ADGRB1: variants seen among roughly 807,000 people sequenced by gnomAD.
The protein encoded by ADGRB1 is adhesion G protein-coupled receptor B1.
In ADGRB1, 36 loss-of-function variants were observed where a neutral mutation model predicts 175.7. That is an observed-to-expected ratio of 0.20 (90% CI 0.16 to 0.27). The LOEUF (loss-of-function observed/expected upper bound fraction) is 0.27. ADGRB1 is among the 10% of genes least tolerant of loss of function. ADGRB1 has a pLI of 1.00. For synonymous variants in ADGRB1, 1,054 were observed against 979.4 expected (o/e 1.08, Z -1.42); for missense variants, 1,731 against 2,255.3 (o/e 0.77, Z 4.71).
intron 23 of ADGRB1, among the ~76,000 whole-genome samples, chr8:142,524,537 G>T (rs1035891031): frequency 6.6e-6 from 1 of 152,182 alleles, no homozygotes; most frequent in African/African-American, 2.4e-5. Flanking sequence ...TGTGAGTCTC[G>T]GCTTGCCTGA....
intron 1 of ADGRB1, among the ~76,000 whole-genome samples, chr8:142,456,535 CACT>C (rs1839693851): frequency 6.6e-6 from 1 of 152,226 alleles, no homozygotes; most frequent in Non-Finnish European, 1.5e-5. Flanking sequence ...ACACACACAC[CACT>C]CACACCTGCA....
intron 8 of ADGRB1, 83 bp from the exon 9 acceptor site, chr8:142,479,610 G>T: frequency 6.5e-7 from 1 of 1,531,622 alleles, no homozygotes. Context: ...AATGATGCCT[G>T]CTCCAGGCGC....
chr8:142,462,616 C>A (rs1201846113), intron 1 of ADGRB1, among the ~76,000 whole-genome samples: 1 of 152,238 alleles, frequency 6.6e-6, no homozygotes, highest in South Asian at 2.1e-4. Flanking sequence ...CAGTGACCGA[C>A]CTTGTCTTGC....
At chr8:142,535,935 C>T (rs1380418528) in intron 25 of ADGRB1, among the ~76,000 whole-genome samples, 1 of 152,174 alleles carries the variant, frequency 6.6e-6, no homozygotes, top group Non-Finnish European at 1.5e-5. Flanking sequence ...AGGCCTGGCC[C>T]TGCCTCTGAC....
intron 13 of ADGRB1, among the ~76,000 whole-genome samples, 152 bp from the exon 14 acceptor site, chr8:142,488,212 G>T (rs1841788189): frequency 6.6e-6 from 1 of 152,188 alleles, no homozygotes; most frequent in Admixed American, 6.5e-5. Context: ...GGCTGGGGCA[G>T]ATGGCCCCCA....
In ADGRB1 at chr8:142,492,936, G is replaced by T. The variant is rs1250310608; in HGVS notation, c.2675+2121G>T. On this transcript the variant is annotated intron_variant, in intron 17 of 30. Transcript: ENST00000517894. The surrounding 1 kb of genome is among the most constrained non-coding windows in gnomAD (Gnocchi z 4.4). The stretch of plus-strand genomic sequence containing the variant: ...CCTCCATCCGGGCTGTTCGCCGGCC[G>T]CGGCAGCTCTCGGGGGGCTGCGCCC... Among the ~76,000 whole-genome samples the T allele has an allele frequency of 6.6e-6, 1 of 151,996 alleles. No individual in the cohort carries two copies. The highest frequency in any genetic ancestry group is 2.4e-5 in the African/African-American group (1 of 41,404).
intron 17 of ADGRB1, among the ~76,000 whole-genome samples, chr8:142,505,287 C>T (rs1436820717): frequency 4.6e-5 from 7 of 152,308 alleles, no homozygotes; most frequent in East Asian, 3.9e-4. Context: ...AGGCGCTTGC[C>T]GGGGGTGCAG....
At chr8:142,499,509 G>C (rs1251516258) in intron 17 of ADGRB1, among the ~76,000 whole-genome samples, 1 of 152,224 alleles carries the variant, frequency 6.6e-6, no homozygotes, top group Non-Finnish European at 1.5e-5. Context: ...CCTAGAGGAA[G>C]GGAGGGAGCA....
intron 26 of ADGRB1, 54 bp from the exon 27 acceptor site, chr8:142,539,320 A>T: frequency 6.5e-7 from 1 of 1,545,126 alleles, no homozygotes; most frequent in Admixed American, 2.0e-5. Flanking sequence ...GCACGCGTGC[A>T]CACACCCCCG....
At chr8:142,478,509 T>G in intron 7 of ADGRB1, 149 bp downstream of exon 7, 1 of 912,412 alleles carries the variant, frequency 1.1e-6, no homozygotes. Context: ...CTGGGGTGGC[T>G]GTGGGGGAAA....
rs1001081185 is a variant in ADGRB1 at position 142,533,431 on chromosome 8, G to A, written c.3535G>A (p.Val1179Ile). The A allele has an allele frequency of 8.7e-6, 14 of 1,612,258 alleles. No individual in the cohort carries two copies. Among genetic ancestry groups the A allele is most frequent in the South Asian group, 5.5e-5 (5 of 91,040 alleles). ...TGTCTTCGACTCGCTGGAGGGCTTC[G>A]TCATCGTCATGGTGCACTGTATCCT... ...FAVFDSLEGF[V>I]IVMVHCILRR... is the part of the protein sequence containing the mutation. The change falls in exon 25 of 31, where the codon GTC becomes ATC. Residue 1179 changes from valine (V) to isoleucine (I), a missense_variant. Val to Ile is a conservative substitution (Grantham distance 29). Around this residue, in one of 8 missense-constraint regions of ADGRB1, gnomAD observed 301 missense variants for 488.4 expected, o/e 0.62. Transcript: ENST00000517894.
Position 142,544,540 on chromosome 8 carries a change from C to A in ADGRB1, c.*123C>A. ...CCAGGCCCGCACCCCGGCCTCAGGG[C>A]GCTCAGACGGCGGCCAGGCACAGGG... On this transcript the variant is annotated 3_prime_UTR_variant, in exon 31 of 31. Coordinates refer to ENST00000517894, the MANE Select transcript of ADGRB1 (RefSeq NM_001702.3). 1 of 1,191,068 alleles carries A rather than the reference C, an allele frequency of 8.4e-7. No individual in the cohort carries two copies. The highest frequency in any genetic ancestry group is 1.1e-6 in the Non-Finnish European group (1 of 912,264). The allele number at this position is 1,191,068 out of a possible 1,614,324, so 73.8% of individuals were successfully genotyped here.
At position 142,464,094 on chromosome 8, in the gene ADGRB1, G is replaced by GCCCCCACC; in HGVS notation, c.-104_-97dup. Reference sequence around the variant, plus strand: ...CATCCCACCCTTGCCCCGCCTCCCTGCCCCCACCGGGCCGGCCCTGCCCGC... The same window carrying GCCCCCACC: ...CATCCCACCCTTGCCCCGCCTCCCTGCCCCCACCCCCCCACCGGGCCGGCCCTGCCCGC... On this transcript the variant is annotated 5_prime_UTR_variant, in exon 2 of 31. Coordinates refer to ENST00000517894, the MANE Select transcript of ADGRB1 (RefSeq NM_001702.3). 1 of 641,524 alleles carries GCCCCCACC rather than the reference G, an allele frequency of 1.6e-6. No individual in the cohort carries two copies. Among genetic ancestry groups the GCCCCCACC allele is most frequent in the African/African-American group, 2.0e-5 (1 of 50,360 alleles). The allele number at this position is 641,524 out of a possible 1,614,324, so 39.7% of individuals were successfully genotyped here. A position where few individuals can be genotyped will look rare whatever the true frequency, so the allele number is the denominator to read the frequency against.
At position 142,517,814 on chromosome 8, in the gene ADGRB1, G is replaced by T. The variant is rs562761977; in HGVS notation, c.2818-324G>T. Among the ~76,000 whole-genome samples the T allele has an allele frequency of 3.9e-5, 6 of 152,332 alleles. No homozygotes were observed. In the East Asian group the frequency reaches 7.7e-4, roughly 20 times the overall value. ...CTCCCTGGCCCCGTCTGCAGTGTGG[G>T]GCTGGCGCCTGCCTGGAATTGACGG... is the stretch of plus-strand genomic sequence containing the variant. On this transcript the variant is annotated intron_variant, in intron 18 of 30. Coordinates refer to ENST00000517894, the MANE Select transcript of ADGRB1 (RefSeq NM_001702.3).
At chr8:142,536,080 C>T (rs1209865628) in intron 25 of ADGRB1, among the ~76,000 whole-genome samples, 1 of 152,036 alleles carries the variant, frequency 6.6e-6, no homozygotes, top group Non-Finnish European at 1.5e-5. Flanking sequence ...AACAGGGCCA[C>T]AGGTCTGTGG....
Position 142,464,107 on chromosome 8 carries a change from CGGCCCTGCCCGCCGCCGGACCCT to C in ADGRB1, c.-88_-66del. 1 of 1,120,478 alleles carries C rather than the reference CGGCCCTGCCCGCCGCCGGACCCT, an allele frequency of 8.9e-7. No homozygotes were observed. Among genetic ancestry groups the C allele is most frequent in the Non-Finnish European group, 1.1e-6 (1 of 894,340 alleles). 69.4% of individuals were successfully genotyped at this position (1,120,478 alleles called of 1,614,324 possible). A position where few individuals can be genotyped will look rare whatever the true frequency, so the allele number is the denominator to read the frequency against. On this transcript the variant is annotated 5_prime_UTR_variant, in exon 2 of 31. Transcript: ENST00000517894. ...CCCCGCCTCCCTGCCCCCACCGGGC[CGGCCCTGCCCGCCGCCGGACCCT>C]GGCATGTCAAGACCTGGTCCGCGCC... is the stretch of plus-strand genomic sequence containing the variant.
Position 142,520,854 on chromosome 8 carries a change from A to G in ADGRB1, c.2953A>G (p.Ile985Val), listed in dbSNP as rs1224390350. The G allele has an allele frequency of 6.2e-7, 1 of 1,613,658 alleles. No individual in the cohort carries two copies. Among genetic ancestry groups the G allele is most frequent in the African/African-American group, 1.3e-5 (1 of 74,980 alleles). The change falls in exon 20 of 31, where the codon ATC becomes GTC. Residue 985 changes from isoleucine to valine, a missense_variant. This residue lies in a region of ADGRB1 where 301 missense variants were observed against 488.4 expected (regional missense o/e 0.62). Coordinates refer to ENST00000517894, the MANE Select transcript of ADGRB1 (RefSeq NM_001702.3). The part of the protein sequence containing the change: ...YIRSERSVIL[I>V]NFCLSIISSN... ...TCGCTCAGAGCGTTCTGTCATCCTC[A>G]TCAACTTCTGCCTGTCCATCATCTC...
rs536170153 is a variant in ADGRB1 at position 142,511,592 on chromosome 8, C to T, written c.2817+519C>T. ...GGCAGGGGCCCTGGCCCAGATCCACCGCCCCCCAGGCCTCAGCACCTCGGG... is the reference window on the plus strand; with the variant it reads ...GGCAGGGGCCCTGGCCCAGATCCACTGCCCCCCAGGCCTCAGCACCTCGGG... On this transcript the variant is annotated intron_variant, in intron 18 of 30. Transcript: ENST00000517894. The surrounding 1 kb of genome is among the most constrained non-coding windows in gnomAD (Gnocchi z 4.5). 3.9e-5 allele frequency among the ~76,000 whole-genome samples: 6 copies of T among 152,246 alleles called. No individual in the cohort carries two copies. The East Asian group carries it at 5.8e-4, about 15-fold the overall frequency.
At position 142,474,340 on chromosome 8, in the gene ADGRB1, C is replaced by T. The variant is rs554980954; in HGVS notation, c.785-1134C>T. 3.0e-3 allele frequency among the ~76,000 whole-genome samples: 457 copies of T among 152,272 alleles called. 2 individuals are homozygous for T. The highest frequency in any genetic ancestry group is 0.011 in the African/African-American group (445 of 41,536). ...CAGCGGCCCCAGCTCCATGGTGGGT[C>T]CCCTCGTGGTGGCCGCCAGCTGTCT... On this transcript the variant is annotated intron_variant, in intron 2 of 30. Transcript: ENST00000517894. This position sits in a 1 kb window ranked among gnomAD's most constrained non-coding sequence, Gnocchi z 5.8.
Sources: gnomAD v4.1 joint callset for allele counts (sites outside exome capture counted in the v4.1 genomes callset) on GRCh38, gnomAD v4.1.1 for gene constraint, gnomAD v4.1.1 regional missense constraint, Gnocchi (gnomAD v3.1) non-coding constraint, MANE v1.5 for transcripts, NCBI Gene and HGNC (gene_info 2026-07-23, HGNC 2026-07-21) for gene names.